DLGAP1: variants seen among roughly 807,000 people sequenced by gnomAD.
DLGAP1 encodes DLG associated protein 1.
DLGAP1 carries 11 observed loss-of-function variants against 90.8 expected under a neutral mutation model. The ratio of observed to expected loss-of-function variants is 0.12; its 90% CI spans 0.08 to 0.20. The LOEUF (loss-of-function observed/expected upper bound fraction) is 0.20. DLGAP1 is among the 10% of genes least tolerant of loss of function. The probability of loss-of-function intolerance (pLI) is 1.00; values close to 1 mark genes in which losing one functional copy is unlikely to be tolerated. For missense variants in DLGAP1, 1,050 were observed against 1,333.8 expected, an observed-to-expected ratio of 0.79 and a Z score of 3.31; for synonymous variants, 558 against 540.7, an observed-to-expected ratio of 1.03 and a Z score of -0.44.
chr18:3,560,374 G>A (rs28590113), intron 9 of DLGAP1, among the ~76,000 whole-genome samples: 66,413 of 144,824 alleles, frequency 0.46, 18,347 homozygotes, highest in African/African-American at 0.77. Context: ...AGCTGAGATC[G>A]CGCCACTGCA....
chr18:3,580,181 T>G, intron 8 of DLGAP1: 1 of 1,436,996 alleles, frequency 7.0e-7, no homozygotes, highest in South Asian at 1.1e-5. Context: ...AAACCCTGAT[T>G]TGAGCCAGAC....
chr18:3,925,418 A>C (rs955842414), intron 3 of DLGAP1, among the ~76,000 whole-genome samples: 2 of 151,628 alleles, frequency 1.3e-5, no homozygotes, highest in African/African-American at 4.9e-5. Context: ...ACTTACCTCC[A>C]CTTAGACTAC....
chr18:4,055,464 C>T (rs954003648), intron 2 of DLGAP1, among the ~76,000 whole-genome samples: 12 of 152,104 alleles, frequency 7.9e-5, no homozygotes, highest in East Asian at 1.9e-4. Flanking sequence ...GCCCCGGTGT[C>T]GTCTGTTGTT....
At chr18:4,215,457 G>A (rs919516762) in intron 1 of DLGAP1, among the ~76,000 whole-genome samples, 4 of 152,088 alleles carry the variant, frequency 2.6e-5, no homozygotes, top group African/African-American at 9.7e-5. Flanking sequence ...TTTGAACGGC[G>A]TATCTCATAT....
intron 1 of DLGAP1, among the ~76,000 whole-genome samples, chr18:4,393,116 G>T (rs936632218): frequency 6.6e-6 from 1 of 152,106 alleles, no homozygotes; most frequent in Non-Finnish European, 1.5e-5. Flanking sequence ...CAAAATAAAT[G>T]ATCTTCTTAA....
At chr18:4,078,808 A>G (rs543585273) in intron 2 of DLGAP1, among the ~76,000 whole-genome samples, 10 of 152,284 alleles carry the variant, frequency 6.6e-5, no homozygotes, top group Admixed American at 2.0e-4. Context: ...TGTTTCCTTG[A>G]AACTTGAGGA....
At chr18:4,334,748 C>G (rs200214913) in intron 1 of DLGAP1, among the ~76,000 whole-genome samples, 2 of 151,882 alleles carry the variant, frequency 1.3e-5, no homozygotes, top group East Asian at 3.9e-4. Flanking sequence ...TACCACTCCT[C>G]AACCTCAAAC....
chr18:3,794,731 T>C (rs1438150933), intron 5 of DLGAP1, among the ~76,000 whole-genome samples: 9 of 152,222 alleles, frequency 5.9e-5, no homozygotes, highest in Non-Finnish European at 1.3e-4. Context: ...GGCAGAAATG[T>C]CACCTAATTA....
chr18:4,153,004 A>G (rs565679497), intron 1 of DLGAP1, among the ~76,000 whole-genome samples: 1 of 152,338 alleles, frequency 6.6e-6, no homozygotes, highest in African/African-American at 2.4e-5. Context: ...TGTCTGCTAG[A>G]TAGTACTCTT....
At chr18:3,834,864 G>T (rs1342243030) in intron 4 of DLGAP1, among the ~76,000 whole-genome samples, 1 of 152,158 alleles carries the variant, frequency 6.6e-6, no homozygotes, top group Non-Finnish European at 1.5e-5. Context: ...CTGCATTTTA[G>T]AATTTGTGTT....
chr18:4,052,516 G>C (rs2075149942), intron 2 of DLGAP1, among the ~76,000 whole-genome samples: 1 of 152,066 alleles, frequency 6.6e-6, no homozygotes. Flanking sequence ...AGCATGGGGG[G>C]CCCTGGACCC....
At chr18:4,384,285 T>C (rs905729714) in intron 1 of DLGAP1, among the ~76,000 whole-genome samples, 9 of 152,134 alleles carry the variant, frequency 5.9e-5, no homozygotes, top group African/African-American at 2.2e-4. Context: ...CTCTCTCTTC[T>C]CAGAGAAGTT....
chr18:4,250,580 G>GT (rs2078759410), intron 1 of DLGAP1, among the ~76,000 whole-genome samples: 1 of 152,116 alleles, frequency 6.6e-6, no homozygotes, highest in Non-Finnish European at 1.5e-5. Context: ...TTCATATTTA[G>GT]TGGCATTGTA....
chr18:3,907,039 T>C (rs2071923455), intron 3 of DLGAP1, among the ~76,000 whole-genome samples: 1 of 152,212 alleles, frequency 6.6e-6, no homozygotes, highest in Admixed American at 6.5e-5. Context: ...CTAGAGATGA[T>C]TTAAAGTATA....
chr18:3,882,305 G>A (rs369137016), intron 3 of DLGAP1, among the ~76,000 whole-genome samples: 150 of 152,130 alleles, frequency 9.9e-4, no homozygotes, highest in African/African-American at 3.4e-3. Context: ...GGGAGGCCAA[G>A]GTTGGAGAAT....
intron 1 of DLGAP1, among the ~76,000 whole-genome samples, chr18:4,328,353 A>G (rs2080871150): frequency 6.6e-6 from 1 of 151,954 alleles, no homozygotes; most frequent in African/African-American, 2.4e-5. Context: ...TTTGAAATGC[A>G]TCCATGTTGT....
intron 5 of DLGAP1, among the ~76,000 whole-genome samples, chr18:3,750,108 G>A (rs9957393): frequency 0.013 from 1,973 of 152,216 alleles, 49 homozygotes; most frequent in African/African-American, 0.044. Flanking sequence ...TTAGTCTTTC[G>A]ACCCTTGTCC....
At chr18:4,297,831 C>A (rs2080022262) in intron 1 of DLGAP1, among the ~76,000 whole-genome samples, 1 of 151,994 alleles carries the variant, frequency 6.6e-6, no homozygotes, top group African/African-American at 2.4e-5. Flanking sequence ...TGCGAGTAGC[C>A]CATGAAAGTT....
chr18:3,502,068 AAGTC>A, intron 12 of DLGAP1: 1 of 764,344 alleles, frequency 1.3e-6, no homozygotes, highest in African/African-American at 1.9e-5. Flanking sequence ...ATGATTATCA[AAGTC>A]AGTTATTTTT....
Sources: gnomAD v4.1 joint callset for allele counts (sites outside exome capture counted in the v4.1 genomes callset) on GRCh38, gnomAD v4.1.1 for gene constraint, MANE v1.5 for transcripts, NCBI Gene and HGNC (gene_info 2026-07-23, HGNC 2026-07-21) for gene names.